Variants in DYNC2H1 observed in about 807,000 individuals in gnomAD.
DYNC2H1 encodes cytoplasmic dynein 2 heavy chain 1.
A neutral mutation model predicts 570.0 loss-of-function variants in DYNC2H1; 410 were observed. The observed-to-expected ratio is 0.72, with a 90% confidence interval of 0.66 to 0.78. The LOEUF (loss-of-function observed/expected upper bound fraction) is 0.78, where lower values mean the gene tolerates loss of function less well. DYNC2H1 is among the 30% of genes least tolerant of loss of function. The pLI is 0.00. For synonymous variants in DYNC2H1, 1,688 were observed against 1,677.6 expected, an observed-to-expected ratio of 1.01 and a Z score of -0.15; for missense variants, 4,865 against 5,046.4, an observed-to-expected ratio of 0.96 and a Z score of 1.09.
chr11:103,110,692 A>G (rs1171889520), intron 1 of DYNC2H1, among the ~76,000 whole-genome samples: 1 of 152,206 alleles, frequency 6.6e-6, no homozygotes, highest in Non-Finnish European at 1.5e-5. Flanking sequence ...TGCCTGACAC[A>G]TTAAAGGGGA....
chr11:103,357,109 AAC>A (rs1415152165), intron 82 of DYNC2H1, among the ~76,000 whole-genome samples: 2 of 152,154 alleles, frequency 1.3e-5, no homozygotes, highest in Admixed American at 6.5e-5. Context: ...TATATATATA[AAC>A]ACACATATAT....
At position 103,222,169 on chromosome 11, in the gene DYNC2H1, T is replaced by C. The variant is rs1863612895; in HGVS notation, c.9231+16T>C. ...TGATCCAAAGGTAATTTTTAAGTTA[T>C]ACTATAAATTTGTTTTTCCATACCA... On this transcript the variant is annotated intron_variant, in intron 58 of 88. Transcript: ENST00000375735. 2.0e-6 allele frequency: 3 copies of C among 1,485,058 alleles called. No homozygotes were observed. The South Asian group carries it at 3.8e-5, about 19-fold the overall frequency. The allele number at this position is 1,485,058 out of a possible 1,614,324, so 92.0% of individuals were successfully genotyped here.
At chr11:103,372,032 CTTTTTTTT>C (rs1156605664) in intron 83 of DYNC2H1, among the ~76,000 whole-genome samples, 1 of 38,038 alleles carries the variant, frequency 2.6e-5, no homozygotes, top group Non-Finnish European at 4.4e-5. Flanking sequence ...TTGTCTTGTT[CTTTTTTTT>C]TTTTTTTTTT....
At position 103,255,522 on chromosome 11, in the gene DYNC2H1, A is replaced by G. The variant is rs369838929; in HGVS notation, c.10314A>G (p.Glu3438=). ...DKKIQLAKLE[E]SLLETLATSQ... ...AAATACAGCTAGCCAAGCTCGAAGAATCTCTTCTAGAGGTAAAAGTCTAGC... is the reference window on the plus strand; with the variant it reads ...AAATACAGCTAGCCAAGCTCGAAGAGTCTCTTCTAGAGGTAAAAGTCTAGC... Residue 3438 remains glutamate, a synonymous_variant, in exon 67 of 89, where the codon GAA becomes GAG. Coordinates refer to ENST00000375735, the MANE Select transcript of DYNC2H1 (RefSeq NM_001377.3). The G allele has an allele frequency of 3.0e-4, 461 of 1,555,254 alleles. 1 individual carries two copies. The African/African-American group carries it at 5.9e-3, about 20-fold the overall frequency.
intron 82 of DYNC2H1, among the ~76,000 whole-genome samples, chr11:103,330,267 G>T (rs1938709399): frequency 6.6e-6 from 1 of 151,052 alleles, no homozygotes; most frequent in Admixed American, 6.6e-5. Context: ...TTTCATTGCT[G>T]AAGAAAAACT....
At chr11:103,355,258 A>T (rs1376738389) in intron 82 of DYNC2H1, among the ~76,000 whole-genome samples, 1 of 152,096 alleles carries the variant, frequency 6.6e-6, no homozygotes, top group Non-Finnish European at 1.5e-5. Flanking sequence ...CAAAAATGTA[A>T]ATTATTTAAT....
rs71465391 is a variant in DYNC2H1 at position 103,354,181 on chromosome 11, CAA to C, written c.12040-4042_12040-4041del. Among the ~76,000 whole-genome samples, 27 of 117,232 alleles carry C rather than the reference CAA, an allele frequency of 2.3e-4. No homozygotes were observed. In the South Asian group the frequency reaches 6.1e-3, roughly 26 times the overall value. The allele number at this position is 117,232 out of a possible 152,430, so 76.9% of individuals were successfully genotyped here. ...GACAGAGCCAGGCTCTGTCTCAAAA[CAA>C]AAAAAAAAAAAAAAAAAAATCTCCT... On this transcript the variant is annotated intron_variant, in intron 82 of 88. Transcript: ENST00000375735.
chr11:103,318,681 A>G (rs749776971), intron 80 of DYNC2H1, among the ~76,000 whole-genome samples: 4 of 152,096 alleles, frequency 2.6e-5, no homozygotes, highest in Non-Finnish European at 4.4e-5. Flanking sequence ...GTTCACCATT[A>G]CTAGTTAATG....
intron 54 of DYNC2H1, among the ~76,000 whole-genome samples, chr11:103,214,790 T>C (rs746255748): frequency 1.9e-4 from 14 of 72,344 alleles, no homozygotes; most frequent in Non-Finnish European, 3.5e-4. Flanking sequence ...TGTCTTTCCC[T>C]TTTTTTTTTT....
chr11:103,374,949 G>A (rs558046917), intron 83 of DYNC2H1, among the ~76,000 whole-genome samples: 6 of 152,286 alleles, frequency 3.9e-5, no homozygotes, highest in East Asian at 1.9e-4. Flanking sequence ...AAAATATCTC[G>A]AGGGCATGTC....
chr11:103,431,880 G>C (rs512002), intron 84 of DYNC2H1, among the ~76,000 whole-genome samples: 1 of 152,024 alleles, frequency 6.6e-6, no homozygotes, highest in East Asian at 1.9e-4. Context: ...TGTTCAACTT[G>C]TGGTGGGGCA....
At chr11:103,362,911 G>T in intron 83 of DYNC2H1, among the ~76,000 whole-genome samples, 1 of 151,980 alleles carries the variant, frequency 6.6e-6, no homozygotes. Flanking sequence ...CACACCTGTA[G>T]TCCCAGCTAC....
chr11:103,417,687 C>A (rs1295143927), intron 84 of DYNC2H1, among the ~76,000 whole-genome samples: 2 of 151,832 alleles, frequency 1.3e-5, no homozygotes, highest in African/African-American at 2.4e-5. Flanking sequence ...ACCAGTCTGA[C>A]CAACATGGTG....
At chr11:103,231,614 C>T (rs1410542750) in intron 60 of DYNC2H1, among the ~76,000 whole-genome samples, 1 of 151,536 alleles carries the variant, frequency 6.6e-6, no homozygotes, top group Non-Finnish European at 1.5e-5. Context: ...GTTTTAAAGC[C>T]TTTCATGTAT....
At chr11:103,390,172 TG>T (rs1166583038) in intron 83 of DYNC2H1, among the ~76,000 whole-genome samples, 2 of 152,324 alleles carry the variant, frequency 1.3e-5, no homozygotes, top group Admixed American at 1.3e-4. Context: ...TTTATGAATC[TG>T]GGTGCTGCTG....
intron 73 of DYNC2H1, 115 bp downstream of exon 73, chr11:103,283,200 G>A: frequency 1.5e-6 from 1 of 685,850 alleles, no homozygotes; most frequent in Non-Finnish European, 2.3e-6. Flanking sequence ...TAGGATGTAA[G>A]TTCCCCCAGT....
rs559283340 is a variant in DYNC2H1, at chr11:103,254,197, T to C, written c.10206+749T>C. ...GTATATTTTAATGAACAATATCTTT[T>C]GATTGACTTGATGATACTTCTTTTA... On this transcript the variant is annotated intron_variant, in intron 66 of 88. Transcript: ENST00000375735. The surrounding 1 kb of genome is among the most constrained non-coding windows in gnomAD (Gnocchi z 4.9). Among the ~76,000 whole-genome samples, 5 of 152,318 alleles carry C rather than the reference T, an allele frequency of 3.3e-5. No homozygotes were observed. The South Asian group carries it at 1.0e-3, about 32-fold the overall frequency.
chr11:103,417,142 C>T (rs1429522447), intron 84 of DYNC2H1, among the ~76,000 whole-genome samples: 1 of 152,112 alleles, frequency 6.6e-6, no homozygotes, highest in Non-Finnish European at 1.5e-5. Context: ...TACAGTGGCA[C>T]AATCTGGGCT....
At chr11:103,273,686 A>G (rs1457628256) in intron 70 of DYNC2H1, among the ~76,000 whole-genome samples, 2 of 152,146 alleles carry the variant, frequency 1.3e-5, no homozygotes, top group Non-Finnish European at 2.9e-5. Flanking sequence ...AGGCAACCAG[A>G]TATAGGGCCA....
Sources: gnomAD v4.1 joint callset for allele counts (sites outside exome capture counted in the v4.1 genomes callset) on GRCh38, gnomAD v4.1.1 for gene constraint, Gnocchi (gnomAD v3.1) non-coding constraint, MANE v1.5 for transcripts, NCBI Gene and HGNC (gene_info 2026-07-23, HGNC 2026-07-21) for gene names.